The following SLC24A3 variants were observed in gnomAD, a reference collection of about 807,000 sequenced individuals.
SLC24A3 encodes the protein sodium/potassium/calcium exchanger 3.
SLC24A3 carries 28 observed loss-of-function variants against 75.8 expected under a neutral mutation model. That is an observed-to-expected ratio of 0.37 (90% CI 0.27 to 0.51). The LOEUF (loss-of-function observed/expected upper bound fraction) is 0.51. Among genes scored for constraint, SLC24A3 ranks in the 20% least tolerant of loss-of-function variants. The pLI is 0.94. For missense variants in SLC24A3, 663 were observed against 847.8 expected (o/e 0.78, Z 2.71); for synonymous variants, 372 against 334.1 (o/e 1.11, Z -1.24).
intron 1 of SLC24A3, among the ~76,000 whole-genome samples, chr20:19,221,232 C>T (rs1484723020): frequency 6.6e-6 from 1 of 152,162 alleles, no homozygotes; most frequent in Non-Finnish European, 1.5e-5. Context: ...TCTTCCATCT[C>T]CTCTCAATAT....
intron 2 of SLC24A3, among the ~76,000 whole-genome samples, chr20:19,428,165 G>A (rs951187989): frequency 6.6e-6 from 1 of 152,210 alleles, no homozygotes; most frequent in Non-Finnish European, 1.5e-5. Context: ...AGCAGCATGA[G>A]CCCGGTCTGG....
intron 2 of SLC24A3, among the ~76,000 whole-genome samples, chr20:19,349,052 C>G (rs1337133027): frequency 3.9e-5 from 6 of 152,176 alleles, no homozygotes; most frequent in Non-Finnish European, 7.3e-5. Flanking sequence ...GTGCTCTAGG[C>G]CTTCTTCTGT....
intron 2 of SLC24A3, among the ~76,000 whole-genome samples, chr20:19,423,277 A>G (rs1016042617): frequency 7.9e-5 from 12 of 152,192 alleles, no homozygotes; most frequent in African/African-American, 2.7e-4. Flanking sequence ...AGAAGGGGCC[A>G]TCTCCCTTCC....
At chr20:19,272,728 C>G (rs1983368263) in intron 1 of SLC24A3, among the ~76,000 whole-genome samples, 1 of 152,218 alleles carries the variant, frequency 6.6e-6, no homozygotes, top group Admixed American at 6.5e-5. Flanking sequence ...GCTGTGCCTC[C>G]CTCCTCCCTT....
At chr20:19,222,783 CCCTT>C (rs71198012) in intron 1 of SLC24A3, among the ~76,000 whole-genome samples, 1,571 of 75,834 alleles carry the variant, frequency 0.021, 43 homozygotes, top group African/African-American at 0.068. Context: ...TCCCCTCCCT[CCCTT>C]CCTTCCTTCC....
intron 6 of SLC24A3, among the ~76,000 whole-genome samples, chr20:19,639,838 G>A (rs2032051780): frequency 6.6e-6 from 1 of 152,232 alleles, no homozygotes; most frequent in African/African-American, 2.4e-5. Context: ...GGCACTGCTG[G>A]GGGACCCATT....
intron 6 of SLC24A3, among the ~76,000 whole-genome samples, chr20:19,592,453 T>G (rs1168268080): frequency 8.5e-5 from 13 of 152,222 alleles, no homozygotes; most frequent in Non-Finnish European, 1.3e-4. Flanking sequence ...ATGGCAATGT[T>G]TTATTAGTTC....
chr20:19,292,335 C>A (rs1983960902), intron 2 of SLC24A3, among the ~76,000 whole-genome samples: 1 of 152,170 alleles, frequency 6.6e-6, no homozygotes, highest in African/African-American at 2.4e-5. Context: ...CTGCTGATTC[C>A]TTTCTCTGGT....
Position 19,523,133 on chromosome 20 carries a change from C to A in SLC24A3, c.348+7569C>A, listed in dbSNP as rs186083787. ...CAACACACAAAAATCAGTAGCATTT[C>A]TATACACTAAAAACAAACTATCTTC... On this transcript the variant is annotated intron_variant, in intron 3 of 16. Coordinates refer to ENST00000328041, the MANE Select transcript of SLC24A3 (RefSeq NM_020689.4). Among the ~76,000 whole-genome samples the A allele has an allele frequency of 2.0e-5, 3 of 152,118 alleles. No homozygotes were observed. The South Asian group carries it at 6.2e-4, about 32-fold the overall frequency.
chr20:19,583,272 G>T (rs1201987843), intron 4 of SLC24A3, among the ~76,000 whole-genome samples: 1 of 152,184 alleles, frequency 6.6e-6, no homozygotes, highest in Non-Finnish European at 1.5e-5. Context: ...TGTGCAAGGG[G>T]CAGGATTAGA....
At chr20:19,246,122 A>ACCAGTTAAATTATTATT (rs1388722715) in intron 1 of SLC24A3, among the ~76,000 whole-genome samples, 1 of 152,182 alleles carries the variant, frequency 6.6e-6, no homozygotes, top group Non-Finnish European at 1.5e-5. Context: ...TTGAATCAAC[A>ACCAGTTAAATTATTATT]TCACACCAGT....
At chr20:19,618,881 C>G (rs911418009) in intron 6 of SLC24A3, among the ~76,000 whole-genome samples, 1 of 152,150 alleles carries the variant, frequency 6.6e-6, no homozygotes, top group Non-Finnish European at 1.5e-5. Context: ...GTCCTCAGAT[C>G]CAGAAAGCTT....
At chr20:19,299,294 A>G (rs866761624) in intron 2 of SLC24A3, among the ~76,000 whole-genome samples, 1 of 151,984 alleles carries the variant, frequency 6.6e-6, no homozygotes, top group Non-Finnish European at 1.5e-5. Flanking sequence ...ATGTGTTTGT[A>G]CAAGTGCTGA....
At chr20:19,382,237 CA>C (rs1441935532) in intron 2 of SLC24A3, among the ~76,000 whole-genome samples, 5 of 152,092 alleles carry the variant, frequency 3.3e-5, no homozygotes. Context: ...AGGAAAATCG[CA>C]CTTCTTATCT....
intron 2 of SLC24A3, among the ~76,000 whole-genome samples, chr20:19,407,496 A>G (rs989751292): frequency 6.6e-6 from 1 of 152,228 alleles, no homozygotes; most frequent in Non-Finnish European, 1.5e-5. Context: ...AGGGAAAATA[A>G]CAACAAAGTT....
At chr20:19,576,531 C>T (rs947750691) in intron 3 of SLC24A3, among the ~76,000 whole-genome samples, 2 of 152,144 alleles carry the variant, frequency 1.3e-5, no homozygotes, top group Non-Finnish European at 2.9e-5. Flanking sequence ...ACCTCGCAGG[C>T]CTCTCTGGGT....
intron 1 of SLC24A3, among the ~76,000 whole-genome samples, chr20:19,257,373 G>T (rs1982846000): frequency 6.6e-6 from 1 of 152,172 alleles, no homozygotes; most frequent in East Asian, 1.9e-4. Context: ...GGCCCTGCTG[G>T]GCATCAGGCC....
intron 15 of SLC24A3, among the ~76,000 whole-genome samples, chr20:19,715,474 G>T (rs1463360120): frequency 6.6e-6 from 1 of 152,180 alleles, no homozygotes; most frequent in Non-Finnish European, 1.5e-5. Context: ...GAAGGCATTT[G>T]GTGGCAGGGA....
At chr20:19,273,749 A>G (rs1197717381) in intron 1 of SLC24A3, among the ~76,000 whole-genome samples, 1 of 151,926 alleles carries the variant, frequency 6.6e-6, no homozygotes, top group Non-Finnish European at 1.5e-5. Flanking sequence ...ACAGGAGGCC[A>G]TAGGTTCTGT....
Sources: allele counts gnomAD v4.1 joint callset (sites outside exome capture counted in the v4.1 genomes callset), GRCh38; gene constraint gnomAD v4.1.1; transcripts MANE v1.5; gene names NCBI Gene and HGNC (gene_info 2026-07-23, HGNC 2026-07-21).